The following PIKFYVE variants were observed in gnomAD, a reference collection of about 807,000 sequenced individuals.
PIKFYVE encodes 1-phosphatidylinositol 3-phosphate 5-kinase.
A neutral mutation model predicts 257.9 loss-of-function variants in PIKFYVE; 122 were observed. The ratio of observed to expected loss-of-function variants is 0.47; its 90% CI spans 0.41 to 0.55. PIKFYVE has a LOEUF of 0.55. PIKFYVE is among the 20% of genes least tolerant of loss of function. The pLI, the probability that PIKFYVE is intolerant of heterozygous loss-of-function variation, is 0.00. For missense variants in PIKFYVE, 2,160 were observed against 2,536.6 expected (o/e 0.85, Z 3.19); for synonymous variants, 892 against 868.9 (o/e 1.03, Z -0.47).
intron 15 of PIKFYVE, 142 bp from the exon 16 acceptor site, chr2:208,317,725 G>A: frequency 1.3e-6 from 1 of 754,432 alleles, no homozygotes; most frequent in South Asian, 1.5e-5. Context: ...TGGTTGAAAG[G>A]AAGTATTATT....
chr2:208,340,616 A>G (rs1292721441), intron 31 of PIKFYVE, among the ~76,000 whole-genome samples: 1 of 152,210 alleles, frequency 6.6e-6, no homozygotes, highest in East Asian at 1.9e-4. Flanking sequence ...TTTTTCTTCC[A>G]CTGGTTGACC....
chr2:208,352,023 T>C (rs539264453), intron 38 of PIKFYVE, among the ~76,000 whole-genome samples: 2 of 152,282 alleles, frequency 1.3e-5, no homozygotes, highest in South Asian at 2.1e-4. Context: ...TGAGGTATTA[T>C]AGGATTCAGA....
chr2:208,354,849 G>A (rs552445342), intron 41 of PIKFYVE, among the ~76,000 whole-genome samples: 1 of 152,306 alleles, frequency 6.6e-6, no homozygotes, highest in South Asian at 2.1e-4. Flanking sequence ...AATGTCAGAG[G>A]TTCTCAAAAA....
intron 23 of PIKFYVE, among the ~76,000 whole-genome samples, chr2:208,331,610 C>T (rs1030901694): frequency 6.6e-6 from 1 of 152,312 alleles, no homozygotes; most frequent in East Asian, 1.9e-4. Context: ...CTCCTGACCT[C>T]GGGTGATCGC....
At chr2:208,328,350 CAAAA>C in intron 21 of PIKFYVE, 70 bp downstream of exon 21, 3 of 1,591,350 alleles carry the variant, frequency 1.9e-6, no homozygotes, top group Admixed American at 1.7e-5. Context: ...AAAACAAAAA[CAAAA>C]AAACAGTCAT....
At chr2:208,331,430 T>G (rs1270168463) in intron 23 of PIKFYVE, among the ~76,000 whole-genome samples, 1 of 152,182 alleles carries the variant, frequency 6.6e-6, no homozygotes, top group Non-Finnish European at 1.5e-5. Flanking sequence ...CGGTCTGGAG[T>G]GCAGTCGTGT....
At chr2:208,337,424 A>G (rs1005335722) in intron 28 of PIKFYVE, among the ~76,000 whole-genome samples, 37 of 152,040 alleles carry the variant, frequency 2.4e-4, no homozygotes, top group African/African-American at 7.5e-4. Flanking sequence ...ATAGATAGAT[A>G]TATCTATATA....
chr2:208,344,614 C>G (rs1045964067), intron 32 of PIKFYVE, among the ~76,000 whole-genome samples: 4 of 151,492 alleles, frequency 2.6e-5, no homozygotes, highest in Non-Finnish European at 5.9e-5. Context: ...CCTAACATGC[C>G]TCTCTTGTTG....
intron 21 of PIKFYVE, among the ~76,000 whole-genome samples, chr2:208,328,541 C>A (rs183294072): frequency 6.6e-6 from 1 of 152,228 alleles, no homozygotes; most frequent in African/African-American, 2.4e-5. Context: ...GGTTGACTTT[C>A]CCTTATCTGA....
chr2:208,321,581 T>TTTC (rs1559120866), intron 17 of PIKFYVE, among the ~76,000 whole-genome samples: 2 of 134,412 alleles, frequency 1.5e-5, no homozygotes, highest in African/African-American at 3.2e-5. Flanking sequence ...TTTTGTTTTT[T>TTTC]TTTTTTTTTT....
chr2:208,315,134 G>A, intron 14 of PIKFYVE, 59 bp from the exon 15 acceptor site: 1 of 1,445,672 alleles, frequency 6.9e-7, no homozygotes, highest in South Asian at 1.2e-5. Context: ...TTTATCATCA[G>A]AATTATTGTC....
intron 12 of PIKFYVE, among the ~76,000 whole-genome samples, chr2:208,311,541 A>G (rs1167670696): frequency 6.6e-6 from 1 of 152,170 alleles, no homozygotes; most frequent in Admixed American, 6.5e-5. Flanking sequence ...TTGGTCACAG[A>G]CCTAGAGAAA....
rs760791575 is a variant in PIKFYVE at position 208,336,062 on chromosome 2, T to C, written c.4382T>C (p.Phe1461Ser). ...TCCTTGTAGATGGAAGAAGGTGAGT[T>C]CAAGAACTGGATTGAGAAGATGCAA... is the stretch of plus-strand genomic sequence containing the variant. ...FAQKEMEEGE[F>S]KNWIEKMQAR... The change falls in exon 27 of 42, where the codon TTC (phenylalanine) becomes TCC (serine). Residue 1461 changes from phenylalanine (F) to serine (S), a missense_variant. By Grantham distance (155) the Phe-to-Ser change is radical. This residue lies in a region of PIKFYVE where 699 missense variants were observed against 855.8 expected (regional missense o/e 0.82). Transcript: ENST00000264380. The C allele has an allele frequency of 2.2e-5, 36 of 1,613,978 alleles. No individual in the cohort carries two copies. The highest frequency in any genetic ancestry group is 3.0e-5 in the Non-Finnish European group (35 of 1,179,982).
chr2:208,294,330 A>C (rs539721613), intron 7 of PIKFYVE, among the ~76,000 whole-genome samples: 1 of 152,196 alleles, frequency 6.6e-6, no homozygotes, highest in African/African-American at 2.4e-5. Flanking sequence ...TACTTTTCGC[A>C]TTAACACCCT....
Position 208,317,953 on chromosome 2 carries a change from C to T in PIKFYVE, c.2082+12C>T. The T allele has an allele frequency of 6.2e-7, 1 of 1,608,210 alleles. No homozygotes were observed. The highest frequency in any genetic ancestry group is 8.5e-7 in the Non-Finnish European group (1 of 1,174,832). ...TTGCACATAAAAAGGTAATGTGATT[C>T]AGTTCAGCAGTGAAGTTCAGCAAAC... is the stretch of plus-strand genomic sequence containing the variant. On this transcript the variant is annotated intron_variant, in intron 16 of 41. Coordinates refer to ENST00000264380, the MANE Select transcript of PIKFYVE (RefSeq NM_015040.4).
intron 12 of PIKFYVE, among the ~76,000 whole-genome samples, chr2:208,308,273 C>T (rs932549094): frequency 2.0e-5 from 3 of 151,702 alleles, no homozygotes; most frequent in Non-Finnish European, 4.4e-5. Context: ...TGGTGGTGTG[C>T]GCCTGTGGTC....
At chr2:208,275,587 A>G (rs143670012) in intron 3 of PIKFYVE, among the ~76,000 whole-genome samples, 17 of 152,332 alleles carry the variant, frequency 1.1e-4, no homozygotes, top group African/African-American at 4.1e-4. Flanking sequence ...AAAGTTGCCA[A>G]AGTTTTCTAA....
intron 21 of PIKFYVE, among the ~76,000 whole-genome samples, chr2:208,329,552 A>G (rs1053674781): frequency 6.6e-6 from 1 of 152,186 alleles, no homozygotes; most frequent in African/African-American, 2.4e-5. Flanking sequence ...TGTAAAGGAA[A>G]CCTTTACCTC....
intron 16 of PIKFYVE, among the ~76,000 whole-genome samples, chr2:208,319,201 C>T (rs545020203): frequency 1.1e-4 from 16 of 152,244 alleles, no homozygotes; most frequent in African/African-American, 3.6e-4. Flanking sequence ...CTTGTTTTCA[C>T]TTTTTTTCTA....
Sources: gnomAD v4.1 joint callset for allele counts (sites outside exome capture counted in the v4.1 genomes callset) on GRCh38, gnomAD v4.1.1 for gene constraint, gnomAD v4.1.1 regional missense constraint, MANE v1.5 for transcripts, NCBI Gene and HGNC (gene_info 2026-07-23, HGNC 2026-07-21) for gene names.